TFEC: variants seen among roughly 807,000 people sequenced by gnomAD.
The protein encoded by TFEC is class E basic helix-loop-helix protein 34.
Under a neutral mutation model 41.6 loss-of-function variants are expected in TFEC, and 31 were observed. The ratio of observed to expected loss-of-function variants is 0.74; its 90% CI spans 0.56 to 1.01. The LOEUF is 1.01. Among genes scored for constraint, TFEC ranks in the 50% least tolerant of loss-of-function variants. The pLI is 0.00. For missense variants in TFEC, 402 were observed against 404.1 expected, an observed-to-expected ratio of 0.99 and a Z score of 0.04; for synonymous variants, 143 against 140.6, an observed-to-expected ratio of 1.02 and a Z score of -0.12.
chr7:116,048,025 A>G (rs1168241853), intron 3 of TFEC, among the ~76,000 whole-genome samples: 1 of 152,336 alleles, frequency 6.6e-6, no homozygotes, highest in East Asian at 1.9e-4. Flanking sequence ...AACCACAAAG[A>G]TGGGGAGAAA....
chr7:116,040,449 A>G (rs1796008669), intron 3 of TFEC, among the ~76,000 whole-genome samples: 1 of 152,192 alleles, frequency 6.6e-6, no homozygotes, highest in African/African-American at 2.4e-5. Context: ...TAAATATCAC[A>G]TAGGCATTTC....
In TFEC at chr7:115,982,689, A is replaced by C. The variant is rs550777760; in HGVS notation, c.180+1573T>G. 3.3e-5 allele frequency among the ~76,000 whole-genome samples: 5 copies of C among 152,298 alleles called. No individual in the cohort carries two copies. The South Asian group carries it at 1.0e-3, about 32-fold the overall frequency. On this transcript the variant is annotated intron_variant, in intron 2 of 7. Coordinates refer to ENST00000265440, the MANE Select transcript of TFEC (RefSeq NM_012252.4). ...AATTGTCTATAGCCATTGTTCGTTCACATTGCCCCAAGGCCAGAGCAATTC... is the reference window on the plus strand; with the variant it reads ...AATTGTCTATAGCCATTGTTCGTTCCCATTGCCCCAAGGCCAGAGCAATTC...
At chr7:116,072,280 CT>C (rs1796848488) in intron 3 of TFEC, among the ~76,000 whole-genome samples, 1 of 151,374 alleles carries the variant, frequency 6.6e-6, no homozygotes, top group Non-Finnish European at 1.5e-5. Context: ...ATCTGAATGC[CT>C]TTTTATTTTT....
chr7:116,040,871 C>T (rs1796020841), intron 3 of TFEC, among the ~76,000 whole-genome samples: 1 of 152,094 alleles, frequency 6.6e-6, no homozygotes, highest in Non-Finnish European at 1.5e-5. Context: ...TAAAGAATAA[C>T]ATTAGATTAT....
intron 3 of TFEC, among the ~76,000 whole-genome samples, chr7:116,066,554 G>A (rs1379881388): frequency 6.6e-6 from 1 of 151,924 alleles, no homozygotes; most frequent in East Asian, 1.9e-4. Flanking sequence ...AATTATCTTT[G>A]GGAGTAAAAA....
chr7:116,153,565 T>C (rs750778232), intron 1 of TFEC, among the ~76,000 whole-genome samples: 118 of 152,172 alleles, frequency 7.8e-4, no homozygotes, highest in Non-Finnish European at 1.3e-3. Flanking sequence ...TATTTTTAAT[T>C]TCTTTGTTGT....
intron 1 of TFEC, among the ~76,000 whole-genome samples, chr7:115,989,604 C>T (rs1794015856): frequency 6.6e-6 from 1 of 152,202 alleles, no homozygotes; most frequent in Non-Finnish European, 1.5e-5. Context: ...GGGTCCCATG[C>T]CCACGGAGCC....
At chr7:115,977,577 A>C (rs1793440426) in intron 2 of TFEC, among the ~76,000 whole-genome samples, 1 of 151,988 alleles carries the variant, frequency 6.6e-6, no homozygotes, top group Non-Finnish European at 1.5e-5. Flanking sequence ...AGGCAAAAAT[A>C]CCTTTTAAAA....
intron 1 of TFEC, among the ~76,000 whole-genome samples, chr7:115,992,738 G>C (rs1387169801): frequency 6.6e-6 from 1 of 152,098 alleles, no homozygotes; most frequent in Non-Finnish European, 1.5e-5. Context: ...AAAAAGTCCA[G>C]GACCAGATGG....
At chr7:116,062,351 G>T (rs1428702131) in intron 3 of TFEC, among the ~76,000 whole-genome samples, 2 of 147,272 alleles carry the variant, frequency 1.4e-5, no homozygotes, top group African/African-American at 5.0e-5. Context: ...CCTAAGTGCT[G>T]GGATTACAGG....
At chr7:115,980,063 T>C (rs545827858) in intron 2 of TFEC, among the ~76,000 whole-genome samples, 21 of 152,198 alleles carry the variant, frequency 1.4e-4, no homozygotes, top group Non-Finnish European at 2.8e-4. Context: ...GTGTAGTAAA[T>C]ATCAATTTTC....
chr7:116,119,699 A>C (rs1329214031), intron 1 of TFEC, among the ~76,000 whole-genome samples: 2 of 151,810 alleles, frequency 1.3e-5, no homozygotes, highest in Non-Finnish European at 2.9e-5. Flanking sequence ...AATTTGAACA[A>C]TTTTTCTAGA....
At chr7:115,997,571 C>T (rs2130756284) in intron 1 of TFEC, among the ~76,000 whole-genome samples, 1 of 152,200 alleles carries the variant, frequency 6.6e-6, no homozygotes, top group African/African-American at 2.4e-5. Flanking sequence ...AGCATAAAAA[C>T]CTTACAGGAA....
intron 1 of TFEC, among the ~76,000 whole-genome samples, chr7:115,995,567 C>T (rs756498375): frequency 2.0e-4 from 30 of 152,290 alleles, no homozygotes; most frequent in Admixed American, 7.2e-4. Flanking sequence ...AATCATCCTC[C>T]ATGCAGGAAC....
At position 115,978,627 on chromosome 7, in the gene TFEC, A is replaced by T. The variant is rs184041466; in HGVS notation, c.181-4371T>A. On this transcript the variant is annotated intron_variant, in intron 2 of 7. Coordinates refer to ENST00000265440, the MANE Select transcript of TFEC (RefSeq NM_012252.4). Reference sequence around the variant, plus strand: ...CTTCTATTAACTCTGAATTCAAAATAGAATGGCTTCTGCTCACCATCCTAC... The same window carrying T: ...CTTCTATTAACTCTGAATTCAAAATTGAATGGCTTCTGCTCACCATCCTAC... Among the ~76,000 whole-genome samples, 5 of 152,316 alleles carry T rather than the reference A, an allele frequency of 3.3e-5. No individual in the cohort carries two copies. In the East Asian group the frequency reaches 9.6e-4, roughly 29 times the overall value.
At chr7:115,988,020 T>G (rs1448109501) in intron 1 of TFEC, among the ~76,000 whole-genome samples, 1 of 152,176 alleles carries the variant, frequency 6.6e-6, no homozygotes, top group African/African-American at 2.4e-5. Context: ...TCTTTAGAAC[T>G]CAAAATTATG....
At chr7:116,127,676 A>C (rs1447717659) in intron 1 of TFEC, among the ~76,000 whole-genome samples, 1 of 140,176 alleles carries the variant, frequency 7.1e-6, no homozygotes, top group Non-Finnish European at 1.5e-5. Flanking sequence ...TGGGCAACAG[A>C]GTGAGAGTCA....
chr7:116,033,996 C>T (rs1287362815), upstream of TFEC, among the ~76,000 whole-genome samples: 1 of 152,136 alleles, frequency 6.6e-6, no homozygotes, highest in Non-Finnish European at 1.5e-5. Flanking sequence ...TAGCAATGAC[C>T]TCTGTCTTGC....
intron 1 of TFEC, among the ~76,000 whole-genome samples, chr7:116,021,022 A>C (rs895107042): frequency 5.9e-5 from 9 of 152,288 alleles, no homozygotes; most frequent in African/African-American, 1.9e-4. Context: ...CAACACTATA[A>C]TGTGAGAATA....
Sources: gnomAD v4.1 joint callset for allele counts (sites outside exome capture counted in the v4.1 genomes callset) on GRCh38, gnomAD v4.1.1 for gene constraint, MANE v1.5 for transcripts, NCBI Gene and HGNC (gene_info 2026-07-23, HGNC 2026-07-21) for gene names.